The following CDH4 variants were observed in gnomAD, a reference collection of about 807,000 sequenced individuals.
CDH4 encodes cadherin 4.
CDH4 carries 33 observed loss-of-function variants against 86.0 expected under a neutral mutation model. The observed-to-expected ratio is 0.38, with a 90% CI of 0.29 to 0.51. The LOEUF is 0.51. CDH4 is among the 20% of genes least tolerant of loss of function. CDH4 has a pLI of 0.86. For missense variants in CDH4, 1,114 were observed against 1,307.4 expected, an observed-to-expected ratio of 0.85 and a Z score of 2.28; for synonymous variants, 555 against 549.4, an observed-to-expected ratio of 1.01 and a Z score of -0.14.
At chr20:61,325,000 C>G (rs967577708) in intron 2 of CDH4, among the ~76,000 whole-genome samples, 1 of 152,182 alleles carries the variant, frequency 6.6e-6, no homozygotes, top group Non-Finnish European at 1.5e-5. Context: ...GGTCCTGGCT[C>G]CTACCCCTTG....
intron 2 of CDH4, among the ~76,000 whole-genome samples, chr20:61,439,827 C>T (rs551209336): frequency 6.6e-6 from 1 of 152,302 alleles, no homozygotes; most frequent in African/African-American, 2.4e-5. Context: ...AGGGGACTAG[C>T]GGGGAGGGCT....
rs2084880881 is a variant in CDH4, at chr20:61,377,903, G to A, written c.169+122966G>A. Reference sequence around the variant, plus strand: ...AATTAGCTCACACATCCCTTCATGTGCCGTGATGTTGACTCACGTGATCTG... The same window carrying A: ...AATTAGCTCACACATCCCTTCATGTACCGTGATGTTGACTCACGTGATCTG... On this transcript the variant is annotated intron_variant, in intron 2 of 15. Transcript: ENST00000614565. This position sits in a 1 kb window ranked among gnomAD's most constrained non-coding sequence, Gnocchi z 4.0. Among the ~76,000 whole-genome samples, 2 of 152,202 alleles carry A rather than the reference G, an allele frequency of 1.3e-5. No homozygotes were observed. The highest frequency in any genetic ancestry group is 2.1e-4 in the South Asian group (1 of 4,832).
At position 61,516,114 on chromosome 20, in the gene CDH4, G is replaced by T. The variant is rs2085818267; in HGVS notation, c.170-227449G>T. On this transcript the variant is annotated intron_variant, in intron 2 of 15. Transcript: ENST00000614565. The surrounding 1 kb of genome is among the most constrained non-coding windows in gnomAD (Gnocchi z 4.0). ...TCGCCTCGTGCTCTGCGTTGCACTGGCAGAGGGGCAGCACAGGACTTAATT... is the reference window on the plus strand; with the variant it reads ...TCGCCTCGTGCTCTGCGTTGCACTGTCAGAGGGGCAGCACAGGACTTAATT... Among the ~76,000 whole-genome samples the T allele has an allele frequency of 6.6e-6, 1 of 152,206 alleles. No homozygotes were observed. The highest frequency in any genetic ancestry group is 1.5e-5 in the Non-Finnish European group (1 of 68,036).
chr20:61,633,719 T>A (rs1184317281), intron 2 of CDH4, among the ~76,000 whole-genome samples: 1 of 152,238 alleles, frequency 6.6e-6, no homozygotes, highest in East Asian at 1.9e-4. Flanking sequence ...CAGGAGCACC[T>A]GCCTCTTGGG....
chr20:61,571,127 A>G (rs1456106457), intron 2 of CDH4, among the ~76,000 whole-genome samples: 1 of 151,710 alleles, frequency 6.6e-6, no homozygotes, highest in Non-Finnish European at 1.5e-5. Context: ...TGTGTGAATA[A>G]CCCGCCTGCA....
At chr20:61,903,440 G>A (rs368372453) in intron 8 of CDH4, among the ~76,000 whole-genome samples, 1 of 150,018 alleles carries the variant, frequency 6.7e-6, no homozygotes, top group East Asian at 1.9e-4. Flanking sequence ...AGCTACTCAC[G>A]AGGCTGAGGC....
chr20:61,630,347 T>G (rs2086874635), intron 2 of CDH4, among the ~76,000 whole-genome samples: 1 of 152,152 alleles, frequency 6.6e-6, no homozygotes, highest in Non-Finnish European at 1.5e-5. Flanking sequence ...CACCAGCCAC[T>G]GGGGCCCCAG....
intron 3 of CDH4, among the ~76,000 whole-genome samples, chr20:61,756,118 A>G (rs1039734667): frequency 5.3e-5 from 8 of 152,202 alleles, no homozygotes; most frequent in African/African-American, 1.9e-4. Context: ...AATCACAGAC[A>G]GCCTAAGAGC....
intron 7 of CDH4, among the ~76,000 whole-genome samples, chr20:61,875,653 C>T (rs1436726552): frequency 6.6e-6 from 1 of 152,184 alleles, no homozygotes; most frequent in Non-Finnish European, 1.5e-5. Flanking sequence ...GTCCCAGCAC[C>T]TTCACCTCAG....
At chr20:61,419,577 C>T (rs1360689876) in intron 2 of CDH4, among the ~76,000 whole-genome samples, 1 of 152,110 alleles carries the variant, frequency 6.6e-6, no homozygotes, top group Non-Finnish European at 1.5e-5. Context: ...GCGGAGTTTC[C>T]ACCAGGAAGG....
intron 2 of CDH4, among the ~76,000 whole-genome samples, chr20:61,558,929 C>A (rs1044398920): frequency 2.0e-5 from 3 of 152,238 alleles, no homozygotes; most frequent in African/African-American, 7.2e-5. Context: ...CCTTGCGATC[C>A]CTCACTGATG....
At chr20:61,645,629 C>CA (rs11373021) in intron 2 of CDH4, among the ~76,000 whole-genome samples, 32,965 of 141,882 alleles carry the variant, frequency 0.23, 3,655 homozygotes, top group South Asian at 0.31. Flanking sequence ...GACCCTGTCT[C>CA]AAAAAAAAAA....
chr20:61,423,914 A>G (rs1420080405), intron 2 of CDH4, among the ~76,000 whole-genome samples: 1 of 152,170 alleles, frequency 6.6e-6, no homozygotes, highest in Non-Finnish European at 1.5e-5. Flanking sequence ...CTGTGCGCAC[A>G]CATGCAGGCT....
At chr20:61,700,129 G>A (rs1489923563) in intron 2 of CDH4, among the ~76,000 whole-genome samples, 1 of 152,208 alleles carries the variant, frequency 6.6e-6, no homozygotes, top group Non-Finnish European at 1.5e-5. Flanking sequence ...AAAGGTCCCA[G>A]AGGGTGGAAT....
chr20:61,752,874 G>A (rs2088517361), intron 3 of CDH4, among the ~76,000 whole-genome samples: 1 of 152,206 alleles, frequency 6.6e-6, no homozygotes, highest in Non-Finnish European at 1.5e-5. Flanking sequence ...GTTCCTTTCA[G>A]GGGGCAGCAG....
intron 2 of CDH4, among the ~76,000 whole-genome samples, chr20:61,474,540 A>G (rs547405123): frequency 6.6e-6 from 1 of 151,986 alleles, no homozygotes; most frequent in African/African-American, 2.4e-5. Flanking sequence ...GGTAGTAAAT[A>G]TCATTGATTC....
intron 2 of CDH4, among the ~76,000 whole-genome samples, chr20:61,367,318 C>G (rs567533136): frequency 6.6e-6 from 1 of 152,170 alleles, no homozygotes; most frequent in African/African-American, 2.4e-5. Context: ...GTAAACAAGG[C>G]TGACACAAGA....
chr20:61,739,201 C>A (rs1451680470), intron 2 of CDH4: 1 of 152,374 alleles, frequency 6.6e-6, no homozygotes, highest in Non-Finnish European at 1.5e-5. Context: ...CTGGCGCAGT[C>A]TCCTCTGGGG....
At chr20:61,893,792 G>GTGGATGGA (rs5842369) in intron 7 of CDH4, among the ~76,000 whole-genome samples, 370 of 12,550 alleles carry the variant, frequency 0.029, 115 homozygotes, top group African/African-American at 0.12. Context: ...GGGTGGGTGA[G>GTGGATGGA]TGGATGGATG....
Sources: gnomAD v4.1 joint callset for allele counts (sites outside exome capture counted in the v4.1 genomes callset) on GRCh38, gnomAD v4.1.1 for gene constraint, Gnocchi (gnomAD v3.1) non-coding constraint, MANE v1.5 for transcripts, NCBI Gene and HGNC (gene_info 2026-07-23, HGNC 2026-07-21) for gene names.